Variants in ZFYVE26 observed in about 807,000 individuals in gnomAD.
The protein encoded by ZFYVE26 is zinc finger FYVE domain-containing protein 26.
ZFYVE26 carries 181 observed loss-of-function variants against 276.5 expected under a neutral mutation model. That is an observed-to-expected ratio of 0.65 (90% CI 0.58 to 0.74). The LOEUF (loss-of-function observed/expected upper bound fraction) is 0.74, where lower values mean the gene tolerates loss of function less well. Among genes scored for constraint, ZFYVE26 ranks in the 30% least tolerant of loss-of-function variants. ZFYVE26 has a pLI of 0.00. For missense variants in ZFYVE26, 2,821 were observed against 3,097.9 expected (o/e 0.91, Z 2.12); for synonymous variants, 1,129 against 1,203.1 (o/e 0.94, Z 1.27).
intron 27 of ZFYVE26, among the ~76,000 whole-genome samples, chr14:67,772,603 G>A (rs1238314276): frequency 6.6e-6 from 1 of 152,144 alleles, no homozygotes; most frequent in Non-Finnish European, 1.5e-5. Context: ...GAGGTAGGGG[G>A]GATAAACAAG....
intron 31 of ZFYVE26, among the ~76,000 whole-genome samples, chr14:67,766,710 A>AT (rs2039068661): frequency 6.6e-6 from 1 of 151,958 alleles, no homozygotes; most frequent in African/African-American, 2.4e-5. Context: ...CCACTTCTTT[A>AT]TTTTTTTGAA....
chr14:67,752,935 T>A (rs2038687356), intron 39 of ZFYVE26, among the ~76,000 whole-genome samples: 1 of 152,130 alleles, frequency 6.6e-6, no homozygotes, highest in Admixed American at 6.5e-5. Context: ...GAAAGACTCA[T>A]TTGCTGAAAA....
At position 67,762,663 on chromosome 14, in the gene ZFYVE26, TTGTCTC is replaced by T; in HGVS notation, c.6159+3_6159+8del. 1.9e-6 allele frequency: 3 copies of T among 1,612,972 alleles called. No homozygotes were observed. The highest frequency in any genetic ancestry group is 2.5e-6 in the Non-Finnish European group (3 of 1,180,000). On this transcript the variant is annotated splice_donor_5th_base_variant and intron_variant, in intron 33 of 41. Transcript: ENST00000347230. Reference sequence around the variant, plus strand: ...GTGGAAGTAAGCTTTGTCTTTGTCTTTGTCTCACCTCAACGCCCAGTTGGTAGTACT... The same window carrying T: ...GTGGAAGTAAGCTTTGTCTTTGTCTTACCTCAACGCCCAGTTGGTAGTACT...
chr14:67,762,100 G>C, intron 34 of ZFYVE26, 103 bp downstream of exon 34: 1 of 1,400,184 alleles, frequency 7.1e-7, no homozygotes, highest in Admixed American at 1.8e-5. Context: ...TGCTGAGCCA[G>C]GACTGACACT....
At chr14:67,773,472 T>TGCAG (rs2039263120) in intron 27 of ZFYVE26, among the ~76,000 whole-genome samples, 1 of 150,016 alleles carries the variant, frequency 6.7e-6, no homozygotes, top group Non-Finnish European at 1.5e-5. Flanking sequence ...GGAACTGACC[T>TGCAG]GCAGTGAGCT....
intron 12 of ZFYVE26, among the ~76,000 whole-genome samples, chr14:67,795,242 C>T (rs751706637): frequency 6.6e-6 from 1 of 152,172 alleles, no homozygotes; most frequent in East Asian, 1.9e-4. Flanking sequence ...GCAAACTCTG[C>T]CTTCTGACCC....
At chr14:67,795,420 T>C (rs1420303376) in intron 12 of ZFYVE26, among the ~76,000 whole-genome samples, 1 of 152,242 alleles carries the variant, frequency 6.6e-6, no homozygotes, top group African/African-American at 2.4e-5. Flanking sequence ...ATGAAATCTG[T>C]TGCCCTGACA....
downstream of ZFYVE26, among the ~76,000 whole-genome samples, chr14:67,742,839 T>TTC (rs1491142555): frequency 7.4e-3 from 7 of 948 alleles, no homozygotes; most frequent in Non-Finnish European, 0.025. Context: ...CTTCTTCTTC[T>TTC]TTTTTTTTTT....
In ZFYVE26 at chr14:67,780,270, T is replaced by C; in HGVS notation, c.4645A>G (p.Thr1549Ala). The stretch of plus-strand genomic sequence containing the variant: ...GCTTCTAGAATCATGTTCATGACAG[T>C]TGATGGGTCCTCAACACAACAGCTC... ...LRSCCVEDPS[T>A]VMNMILEAQE... is the part of the protein sequence containing the mutation. The change falls in exon 23 of 42, where the codon ACT (threonine) becomes GCT (alanine). Residue 1549 changes from threonine (T) to alanine (A), a missense_variant. Coordinates refer to ENST00000347230, the MANE Select transcript of ZFYVE26 (RefSeq NM_015346.4). 1 of 1,613,966 alleles carries C rather than the reference T, an allele frequency of 6.2e-7. No homozygotes were observed. Among genetic ancestry groups the C allele is most frequent in the Non-Finnish European group, 8.5e-7 (1 of 1,179,972 alleles).
intron 28 of ZFYVE26, among the ~76,000 whole-genome samples, chr14:67,771,488 G>A (rs766771050): frequency 2.6e-5 from 4 of 152,150 alleles, no homozygotes; most frequent in Non-Finnish European, 4.4e-5. Context: ...CATCACCATC[G>A]TTTTCATCAG....
chr14:67,729,533 G>C (rs2038240129), exon 14 of ZFYVE26: 1 of 746,758 alleles, frequency 1.3e-6, no homozygotes, highest in Admixed American at 2.0e-5. Flanking sequence ...GCTTTGTTAA[G>C]GAAACTTACA....
chr14:67,781,138 A>C (rs909377488), intron 22 of ZFYVE26, among the ~76,000 whole-genome samples, 195 bp downstream of exon 22: 12 of 152,192 alleles, frequency 7.9e-5, no homozygotes, highest in African/African-American at 2.7e-4. Flanking sequence ...AAATGTATTT[A>C]AAATTATAGG....
Position 67,761,763 on chromosome 14 carries a change from T to TA in ZFYVE26, c.6370-180dup, listed in dbSNP as rs1220062799. ...TAGAACTTAAAGTATGATAAAAAAA[T>TA]AAAAAAACAAATAAAGAAAGAATAT... On this transcript the variant is annotated intron_variant, in intron 34 of 41. Transcript: ENST00000347230. 1.2e-5 allele frequency: 6 copies of TA among 503,922 alleles called. No individual in the cohort carries two copies. The African/African-American group carries it at 2.1e-4, about 18-fold the overall frequency. The allele number at this position is 503,922 out of a possible 1,614,324, so 31.2% of individuals were successfully genotyped here.
chr14:67,752,300 A>C (rs1469021487), intron 40 of ZFYVE26, 44 bp downstream of exon 40: 1 of 1,579,168 alleles, frequency 6.3e-7, no homozygotes, highest in East Asian at 2.3e-5. Context: ...ATGTGAAGAC[A>C]CTGAAATTGA....
At chr14:67,754,298 C>G (rs2038722818) in intron 37 of ZFYVE26, 86 bp from the exon 38 acceptor site, 4 of 1,563,322 alleles carry the variant, frequency 2.6e-6, no homozygotes, top group Non-Finnish European at 1.8e-6. Context: ...AATAATATGG[C>G]AATGAAAAAG....
intron 36 of ZFYVE26, 48 bp from the exon 37 acceptor site, chr14:67,755,298 G>C (rs2038749940): frequency 6.2e-7 from 1 of 1,603,990 alleles, no homozygotes; most frequent in African/African-American, 1.3e-5. Flanking sequence ...CAGGGGTTTG[G>C]AGGGTGGGGT....
chr14:67,757,875 C>A (rs1273321203), intron 35 of ZFYVE26, among the ~76,000 whole-genome samples: 1 of 152,034 alleles, frequency 6.6e-6, no homozygotes. Flanking sequence ...CCACCATGCC[C>A]AGCTAGTTTT....
chr14:67,790,730 T>A lies in ZFYVE26; in HGVS notation c.2597A>T (p.Glu866Val). The change falls in exon 15 of 42, where the codon GAA (glutamate) becomes GTA (valine). Residue 866 changes from glutamate (E) to valine (V), a missense_variant. By Grantham distance (121) the Glu-to-Val change is moderately radical. Coordinates refer to ENST00000347230, the MANE Select transcript of ZFYVE26 (RefSeq NM_015346.4). ...CTGGTAGCGCTCCATGAACATCAGT[T>A]CCCCTGAACTGGGTGAGGACTTCAG... The part of the protein sequence containing the change: ...FNLKSSPSSG[E>V]LMFMERYQEV... 1 of 1,614,172 alleles carries A rather than the reference T, an allele frequency of 6.2e-7. No individual in the cohort carries two copies. The highest frequency in any genetic ancestry group is 8.5e-7 in the Non-Finnish European group (1 of 1,180,026).
chr14:67,808,455 C>G (rs2040229931), intron 4 of ZFYVE26, among the ~76,000 whole-genome samples: 1 of 152,070 alleles, frequency 6.6e-6, no homozygotes, highest in Non-Finnish European at 1.5e-5. Context: ...AAATTAGTAC[C>G]ATATGATTTA....
Sources: allele counts gnomAD v4.1 joint callset (sites outside exome capture counted in the v4.1 genomes callset), GRCh38; gene constraint gnomAD v4.1.1; transcripts MANE v1.5; gene names NCBI Gene and HGNC (gene_info 2026-07-23, HGNC 2026-07-21).